The following PC variants were observed in gnomAD, a reference collection of about 807,000 sequenced individuals.
PC encodes pyruvate carboxylase.
In PC, 46 loss-of-function variants were observed where a neutral mutation model predicts 107.8. The observed-to-expected ratio is 0.43, with a 90% CI of 0.34 to 0.55. PC has a LOEUF of 0.55. PC is among the 20% of genes least tolerant of loss of function. The pLI is 0.04. For missense variants in PC, 1,241 were observed against 1,643.1 expected (o/e 0.76, Z 4.23); for synonymous variants, 662 against 684.7 (o/e 0.97, Z 0.52).
At chr11:66,873,398 A>AT (rs1946820714) in intron 3 of PC, among the ~76,000 whole-genome samples, 1 of 99,416 alleles carries the variant, frequency 1.0e-5, no homozygotes, top group Non-Finnish European at 1.9e-5. Context: ...TATTATATAT[A>AT]ATATAATATA....
chr11:66,882,366 C>T (rs1947215927), intron 3 of PC, among the ~76,000 whole-genome samples: 1 of 152,322 alleles, frequency 6.6e-6, no homozygotes, highest in East Asian at 1.9e-4. Flanking sequence ...CAGAGCGTCT[C>T]CTGCAGCCTC....
At chr11:66,943,633 C>T (rs370786465) in intron 3 of PC, among the ~76,000 whole-genome samples, 1 of 149,566 alleles carries the variant, frequency 6.7e-6, no homozygotes, top group South Asian at 2.1e-4. Flanking sequence ...CGCCTGTAGT[C>T]CCCCAGCTAC....
At chr11:66,851,456 C>T (rs989108532) in intron 16 of PC, among the ~76,000 whole-genome samples, 176 bp from the exon 17 acceptor site, 1 of 152,180 alleles carries the variant, frequency 6.6e-6, no homozygotes, top group Non-Finnish European at 1.5e-5. Flanking sequence ...GGACCAGGCC[C>T]TGGAGGATCA....
intron 3 of PC, among the ~76,000 whole-genome samples, chr11:66,881,412 C>T (rs1381887051): frequency 1.3e-5 from 2 of 152,254 alleles, no homozygotes; most frequent in East Asian, 1.9e-4. Flanking sequence ...TGCTGCCTCT[C>T]GGGTGACTCC....
intron 3 of PC, among the ~76,000 whole-genome samples, chr11:66,882,413 G>A (rs979062709): frequency 6.6e-6 from 1 of 152,244 alleles, no homozygotes; most frequent in Non-Finnish European, 1.5e-5. Context: ...CAGAGGAAGG[G>A]AAAGACCAGG....
At chr11:66,861,736 G>A (rs1222954306) in intron 12 of PC, among the ~76,000 whole-genome samples, 8 of 152,112 alleles carry the variant, frequency 5.3e-5, no homozygotes, top group Non-Finnish European at 8.8e-5. Context: ...TAGAGCCAGC[G>A]GCCTGGTCTT....
chr11:66,853,012 C>T, intron 13 of PC, 176 bp from the exon 14 acceptor site: 2 of 697,494 alleles, frequency 2.9e-6, no homozygotes, highest in Non-Finnish European at 4.7e-6. Flanking sequence ...GTGGGGACGT[C>T]TTGAGGACCA....
At chr11:66,903,071 A>C (rs886697671) in intron 3 of PC, among the ~76,000 whole-genome samples, 2 of 152,116 alleles carry the variant, frequency 1.3e-5, no homozygotes, top group Admixed American at 6.6e-5. Flanking sequence ...TCCGAATATA[A>C]CAGTTCCTCC....
At chr11:66,850,168 T>C (rs1161824843) in intron 19 of PC, 52 bp from the exon 20 acceptor site, 2 of 1,613,802 alleles carry the variant, frequency 1.2e-6, no homozygotes, top group Non-Finnish European at 1.7e-6. Flanking sequence ...AGGAGGCCAG[T>C]GGCAGGTGCA....
chr11:66,955,976 T>C (rs1949552057), intron 1 of PC, among the ~76,000 whole-genome samples: 1 of 152,072 alleles, frequency 6.6e-6, no homozygotes, highest in Non-Finnish European at 1.5e-5. Context: ...TTTCACCATG[T>C]TGGCCAGGCT....
chr11:66,885,647 G>A (rs997907717), intron 3 of PC, among the ~76,000 whole-genome samples: 2 of 152,200 alleles, frequency 1.3e-5, no homozygotes, highest in Non-Finnish European at 2.9e-5. Context: ...AGACACAGGA[G>A]ATGACGGCCA....
intron 12 of PC, among the ~76,000 whole-genome samples, chr11:66,861,435 G>A (rs1946251033): frequency 6.6e-6 from 1 of 152,256 alleles, no homozygotes; most frequent in Non-Finnish European, 1.5e-5. Context: ...CTGCCACCGG[G>A]CAGCCGAGGT....
At position 66,872,243 on chromosome 11, in the gene PC, C is replaced by A; in HGVS notation, c.1-84G>T. ...TGAGTGAGGGCCCTTCCCAACCCCACAGTGGCCCCACAGAAAGGCTAGCAC... is the reference window on the plus strand; with the variant it reads ...TGAGTGAGGGCCCTTCCCAACCCCAAAGTGGCCCCACAGAAAGGCTAGCAC... On this transcript the variant is annotated intron_variant, in intron 3 of 22. Coordinates refer to ENST00000393960, the MANE Select transcript of PC (RefSeq NM_001040716.2). 2.1e-6 allele frequency: 3 copies of A among 1,452,906 alleles called. No homozygotes were observed. In the South Asian group the frequency reaches 3.7e-5, roughly 18 times the overall value. 90.0% of individuals were successfully genotyped at this position (1,452,906 alleles called of 1,614,324 possible). A position where few individuals can be genotyped will look rare whatever the true frequency, so the allele number is the denominator to read the frequency against.
intron 3 of PC, among the ~76,000 whole-genome samples, chr11:66,950,962 C>T (rs975057489): frequency 6.6e-6 from 1 of 151,952 alleles, no homozygotes; most frequent in Non-Finnish European, 1.5e-5. Context: ...GGGTGAAACT[C>T]GTGGAGGGTG....
chr11:66,898,663 G>A (rs1344248892), intron 3 of PC, among the ~76,000 whole-genome samples: 1 of 152,120 alleles, frequency 6.6e-6, no homozygotes, highest in Non-Finnish European at 1.5e-5. Flanking sequence ...CTGGGCGACA[G>A]AGCAAGACTC....
Position 66,850,796 on chromosome 11 carries a change from A to G in PC, c.2351T>C (p.Leu784Pro). Residue 784 changes from leucine to proline, a missense_variant, in exon 18 of 23, where the codon CTG becomes CCG. Leu to Pro is a moderately conservative substitution (Grantham distance 98). Around this residue, in one of 2 missense-constraint regions of PC, gnomAD observed 1,143 missense variants for 1,551.9 expected, o/e 0.74. Coordinates refer to ENST00000393960, the MANE Select transcript of PC (RefSeq NM_001040716.2). ...ATCAGCTCCAGCCTGGGCACAGGCCAGCATGGCTGCCACGCCTGCCCCTGA... is the reference window on the plus strand; with the variant it reads ...ATCAGCTCCAGCCTGGGCACAGGCCGGCATGGCTGCCACGCCTGCCCCTGA... ...DTSGAGVAAM[L>P]ACAQAGADVV... is the part of the protein sequence containing the mutation. 1 of 1,611,596 alleles carries G rather than the reference A, an allele frequency of 6.2e-7. No homozygotes were observed. The highest frequency in any genetic ancestry group is 8.5e-7 in the Non-Finnish European group (1 of 1,179,974).
chr11:66,952,629 C>A (rs947833734), intron 2 of PC, among the ~76,000 whole-genome samples, 161 bp from the exon 3 acceptor site: 1 of 152,238 alleles, frequency 6.6e-6, no homozygotes, highest in Non-Finnish European at 1.5e-5. Context: ...GCAACCTCTG[C>A]TTCCCGGATT....
At chr11:66,923,426 A>G (rs182869149) in intron 3 of PC, among the ~76,000 whole-genome samples, 5 of 151,500 alleles carry the variant, frequency 3.3e-5, no homozygotes, top group African/African-American at 1.2e-4. Flanking sequence ...GCTCCACCAC[A>G]TGACACAGGG....
rs1333082679 is a variant in PC, at chr11:66,885,185, G to A, written c.1-13026C>T. 2.0e-5 allele frequency among the ~76,000 whole-genome samples: 3 copies of A among 152,202 alleles called. No individual in the cohort carries two copies. In the East Asian group the frequency reaches 5.8e-4, roughly 29 times the overall value. On this transcript the variant is annotated intron_variant, in intron 3 of 22. Coordinates refer to ENST00000393960, the MANE Select transcript of PC (RefSeq NM_001040716.2). ...CTGAAGTCCTAACCCCTAGCACCTA[G>A]GTCAGAATGTGACCTTATTTGGGCC...
Sources: allele counts gnomAD v4.1 joint callset (sites outside exome capture counted in the v4.1 genomes callset), GRCh38; gene constraint gnomAD v4.1.1; regional missense constraint gnomAD v4.1.1; transcripts MANE v1.5; gene names NCBI Gene and HGNC (gene_info 2026-07-23, HGNC 2026-07-21).